Variants in SNX25 observed in about 807,000 individuals in gnomAD.
SNX25 encodes the protein sorting nexin 25, also known as sorting nexin-25.
In SNX25, 62 loss-of-function variants were observed where a neutral mutation model predicts 113.7. The observed-to-expected ratio is 0.55, with a 90% CI of 0.44 to 0.67. SNX25 has a LOEUF of 0.67. Ranked by LOEUF, SNX25 falls within the 30% of genes least tolerant of loss-of-function variation. The pLI is 0.00. For synonymous variants in SNX25, 421 were observed against 436.2 expected, an observed-to-expected ratio of 0.97 and a Z score of 0.43; for missense variants, 1,014 against 1,161.0, an observed-to-expected ratio of 0.87 and a Z score of 1.84.
intron 1 of SNX25, among the ~76,000 whole-genome samples, chr4:185,240,405 C>A (rs1743599149): frequency 1.4e-5 from 2 of 147,744 alleles, no homozygotes; most frequent in South Asian, 4.3e-4. Context: ...GCTGACCCCC[C>A]CACCTCCCTC....
chr4:185,216,059 AGT>A (rs779493725), intron 1 of SNX25, among the ~76,000 whole-genome samples: 2 of 152,192 alleles, frequency 1.3e-5, no homozygotes, highest in Non-Finnish European at 2.9e-5. Context: ...GGCCTCCCAA[AGT>A]GCTGGGATTA....
At chr4:185,289,864 C>G (rs1751900244) in intron 6 of SNX25, among the ~76,000 whole-genome samples, 1 of 152,106 alleles carries the variant, frequency 6.6e-6, no homozygotes, top group South Asian at 2.1e-4. Context: ...GCTAGGGCTA[C>G]CATTAAAAAG....
chr4:185,362,113 C>G lies in SNX25; in HGVS notation c.2833+8C>G, dbSNP rs1422686685. 1 of 1,604,222 alleles carries G rather than the reference C, an allele frequency of 6.2e-7. No homozygotes were observed. The highest frequency in any genetic ancestry group is 1.7e-5 in the Admixed American group (1 of 58,764). Reference sequence around the variant, plus strand: ...TGCTTGAAAACATTCCAGGTGAGGCCTGGGCTATTAGCCTGAAAAGCATAG... The same window carrying G: ...TGCTTGAAAACATTCCAGGTGAGGCGTGGGCTATTAGCCTGAAAAGCATAG... On this transcript the variant is annotated splice_region_variant and intron_variant, in intron 17 of 18. Coordinates refer to ENST00000652585, the MANE Select transcript of SNX25 (RefSeq NM_001378034.2).
downstream of SNX25, chr4:185,372,898 T>C (rs1045698622): frequency 2.5e-6 from 4 of 1,612,054 alleles, no homozygotes; most frequent in South Asian, 1.1e-5. Context: ...TTTCATCTTA[T>C]AGTAATACTC....
chr4:185,351,589 G>T lies in SNX25; in HGVS notation c.2446G>T (p.Asp816Tyr). ...LSSFLERLPRDFFSHQEEETE... is the reference protein window; with the variant it reads ...LSSFLERLPRYFFSHQEEETE... ...CTCATTTTTGGAAAGACTTCCTCGC[G>T]ACTTCTTCTCCCACCAGGAGGTGAG... The change falls in exon 14 of 19, where the codon GAC (aspartate) becomes TAC (tyrosine). Residue 816 changes from aspartate to tyrosine, a missense_variant. Asp to Tyr is a radical substitution (Grantham distance 160). Coordinates refer to ENST00000652585, the MANE Select transcript of SNX25 (RefSeq NM_001378034.2). 2 of 1,613,928 alleles carry T rather than the reference G, an allele frequency of 1.2e-6. No homozygotes were observed. Among genetic ancestry groups the T allele is most frequent in the South Asian group, 2.2e-5 (2 of 91,060 alleles).
At chr4:185,291,657 G>C (rs151256811) in intron 6 of SNX25, among the ~76,000 whole-genome samples, 3 of 152,314 alleles carry the variant, frequency 2.0e-5, no homozygotes, top group African/African-American at 7.2e-5. Flanking sequence ...TTTCCATGTT[G>C]CTGGCAATCC....
rs114896113 is a variant in SNX25, at chr4:185,217,791, G to A, written c.429+7536G>A. Among the ~76,000 whole-genome samples the A allele has an allele frequency of 4.5e-3, 686 of 152,272 alleles. 4 individuals are homozygous for A. Among genetic ancestry groups the A allele is most frequent in the African/African-American group, 0.016 (647 of 41,536 alleles). On this transcript the variant is annotated intron_variant, in intron 1 of 18. Transcript: ENST00000652585. ...AAGGTGACGCAGCAAGTTTGGTGCC[G>A]AGCGTTCAGGACACAGAAAATGCAC...
chr4:185,307,346 G>C (rs1488836048), intron 6 of SNX25, among the ~76,000 whole-genome samples: 1 of 152,190 alleles, frequency 6.6e-6, no homozygotes, highest in Non-Finnish European at 1.5e-5. Context: ...TCTAAGCGAG[G>C]TATGTGCTGA....
intron 6 of SNX25, among the ~76,000 whole-genome samples, chr4:185,303,472 AC>A (rs1387619692): frequency 6.6e-6 from 1 of 151,870 alleles, no homozygotes; most frequent in African/African-American, 2.4e-5. Flanking sequence ...ATCCTGGCTT[AC>A]GCAGTGAAAC....
intron 6 of SNX25, among the ~76,000 whole-genome samples, chr4:185,299,659 AG>A (rs1289994039): frequency 6.6e-6 from 1 of 152,234 alleles, no homozygotes; most frequent in Non-Finnish European, 1.5e-5. Flanking sequence ...TAGACAGAAC[AG>A]CTAGAGTAGT....
intron 2 of SNX25, among the ~76,000 whole-genome samples, chr4:185,258,642 G>GACATT (rs1746791921): frequency 6.6e-6 from 1 of 152,108 alleles, no homozygotes; most frequent in African/African-American, 2.4e-5. Flanking sequence ...GAAAATTTAG[G>GACATT]ACATGGTCAC....
At chr4:185,327,599 C>G (rs2095165499) in intron 9 of SNX25, among the ~76,000 whole-genome samples, 1 of 152,052 alleles carries the variant, frequency 6.6e-6, no homozygotes, top group African/African-American at 2.4e-5. Flanking sequence ...TGGCTAATTT[C>G]ACATGTCCCC....
Position 185,308,860 on chromosome 4 carries a change from C to T in SNX25, c.1163-1775C>T, listed in dbSNP as rs74769007. Among the ~76,000 whole-genome samples the T allele has an allele frequency of 6.4e-3, 979 of 152,230 alleles. 15 individuals carry two copies. Among genetic ancestry groups the T allele is most frequent in the South Asian group, 0.049 (237 of 4,818 alleles). On this transcript the variant is annotated intron_variant, in intron 6 of 18. Transcript: ENST00000652585. ...TTACTATCCCAGAGCTGAATGTTTC[C>T]GAACTCTAGACCTTCTCTCTCCACC...
rs1230610884 is a variant in SNX25, at chr4:185,353,591, A to G, written c.2573A>G (p.Glu858Gly). Residue 858 changes from glutamate to glycine, a missense_variant, in exon 15 of 19, where the codon GAA becomes GGA. Coordinates refer to ENST00000652585, the MANE Select transcript of SNX25 (RefSeq NM_001378034.2). ...TTCATGTTGATTGGGGAGATTTTTG[A>G]ACTTCGAGGAAGTAAGCTTCTTTGT... ...PCFMLIGEIF[E>G]LRGMFKWVRR... The G allele has an allele frequency of 6.2e-7, 1 of 1,613,682 alleles. No individual in the cohort carries two copies. Among genetic ancestry groups the G allele is most frequent in the Admixed American group, 1.7e-5 (1 of 60,024 alleles).
chr4:185,292,525 A>G (rs1038440272), intron 6 of SNX25, among the ~76,000 whole-genome samples: 1 of 152,102 alleles, frequency 6.6e-6, no homozygotes, highest in Non-Finnish European at 1.5e-5. Context: ...CAGCCTCCCA[A>G]GTAGCTTGGA....
chr4:185,209,317 G>C (rs1737357996), upstream of SNX25: 1 of 152,298 alleles, frequency 6.6e-6, no homozygotes. The surrounding 1 kb of genome is among the most constrained non-coding windows in gnomAD (Gnocchi z 5.2). Flanking sequence ...GGAGAATTAC[G>C]GGATCACCTG....
At chr4:185,220,466 GGTCCCACAACTGA>G (rs1739613610) in intron 1 of SNX25, among the ~76,000 whole-genome samples, 1 of 148,884 alleles carries the variant, frequency 6.7e-6, no homozygotes, top group South Asian at 2.1e-4. Context: ...CTGAAAGTCA[GGTCCCACAACTGA>G]GTCCCTTTTT....
chr4:185,209,763 C>T lies in SNX25; in HGVS notation c.-64C>T, dbSNP rs911545707. 17 of 984,038 alleles carry T rather than the reference C, an allele frequency of 1.7e-5. No individual in the cohort carries two copies. Among genetic ancestry groups the T allele is most frequent in the Non-Finnish European group, 2.0e-5 (17 of 829,418 alleles). The allele number at this position is 984,038 out of a possible 1,614,324, so 61.0% of individuals were successfully genotyped here. A position where few individuals can be genotyped will look rare whatever the true frequency, so the allele number is the denominator to read the frequency against. ...CATGAGCGCGGGCTCCCCCTGCCTC[C>T]GGAGCGCCGGCGGGGGACCGGGGGG... On this transcript the variant is annotated 5_prime_UTR_variant, in exon 1 of 19. Coordinates refer to ENST00000652585, the MANE Select transcript of SNX25 (RefSeq NM_001378034.2). The surrounding 1 kb of genome is among the most constrained non-coding windows in gnomAD (Gnocchi z 5.2).
chr4:185,298,123 C>G (rs1403901504), intron 6 of SNX25, among the ~76,000 whole-genome samples: 1 of 135,096 alleles, frequency 7.4e-6, no homozygotes, highest in Non-Finnish European at 1.5e-5. Flanking sequence ...GAGTCTCACT[C>G]TGTCACCCAG....
Sources: allele counts gnomAD v4.1 joint callset (sites outside exome capture counted in the v4.1 genomes callset), GRCh38; gene constraint gnomAD v4.1.1; non-coding constraint Gnocchi (gnomAD v3.1); transcripts MANE v1.5; gene names NCBI Gene and HGNC (gene_info 2026-07-23, HGNC 2026-07-21).